The following RUNX2 variants were observed in gnomAD, a reference collection of about 807,000 sequenced individuals.
RUNX2 encodes the protein RUNX family transcription factor 2, also known as runt-related transcription factor 2.
RUNX2 carries 10 observed loss-of-function variants against 51.7 expected under a neutral mutation model. The observed-to-expected ratio is 0.19, with a 90% CI of 0.12 to 0.33. RUNX2 has a LOEUF of 0.33. RUNX2 is among the 10% of genes least tolerant of loss of function. RUNX2 has a pLI of 1.00. For synonymous variants in RUNX2, 276 were observed against 273.6 expected, an observed-to-expected ratio of 1.01 and a Z score of -0.09; for missense variants, 562 against 691.3, an observed-to-expected ratio of 0.81 and a Z score of 2.10.
At chr6:45,331,646 T>C (rs1787538813) in intron 2 of RUNX2, among the ~76,000 whole-genome samples, 2 of 152,006 alleles carry the variant, frequency 1.3e-5, no homozygotes, top group East Asian at 1.9e-4. Flanking sequence ...CTGTTAAAGA[T>C]TTTTAGTTTT....
chr6:45,477,127 C>A (rs986696889), intron 5 of RUNX2, among the ~76,000 whole-genome samples: 3 of 152,132 alleles, frequency 2.0e-5, no homozygotes, highest in East Asian at 1.9e-4. Context: ...GATTCAGAAC[C>A]GTTTCAGTGG....
At chr6:45,374,365 T>A (rs1293771909) in intron 2 of RUNX2, among the ~76,000 whole-genome samples, 1 of 152,178 alleles carries the variant, frequency 6.6e-6, no homozygotes, top group Admixed American at 6.6e-5. Flanking sequence ...AATTAACCTC[T>A]TATGAACCTA....
chr6:45,518,853 A>G (rs923211443), intron 7 of RUNX2, among the ~76,000 whole-genome samples: 2 of 152,224 alleles, frequency 1.3e-5, no homozygotes, highest in Non-Finnish European at 2.9e-5. Flanking sequence ...CACCCAAAGT[A>G]TTAATTTTCT....
intron 2 of RUNX2, among the ~76,000 whole-genome samples, chr6:45,357,383 A>T (rs1793425702): frequency 6.6e-6 from 1 of 151,764 alleles, no homozygotes; most frequent in African/African-American, 2.4e-5. Context: ...CAGGCTGGAG[A>T]ACAGTGGCAG....
intron 5 of RUNX2, among the ~76,000 whole-genome samples, chr6:45,454,461 A>G (rs1799264010): frequency 6.6e-6 from 1 of 152,214 alleles, no homozygotes. Flanking sequence ...GGTTATTACC[A>G]CTTTTGCTAA....
intron 2 of RUNX2, among the ~76,000 whole-genome samples, chr6:45,399,202 T>C (rs1279163524): frequency 3.3e-5 from 5 of 152,066 alleles, no homozygotes; most frequent in Non-Finnish European, 7.4e-5. Context: ...TAATGAATAG[T>C]GTCAAGATGG....
Position 45,512,314 on chromosome 6 carries a change from A to T in RUNX2, c.928A>T (p.Met310Leu), listed in dbSNP as rs1801181855. The T allele has an allele frequency of 6.2e-7, 1 of 1,614,112 alleles. No homozygotes were observed. Among genetic ancestry groups the T allele is most frequent in the Non-Finnish European group, 8.5e-7 (1 of 1,180,010 alleles). ...GTCTTACCCCTCCTACCTGAGCCAG[A>T]TGACGTCCCCGTCCATCCACTCTAC... ...DQSYPSYLSQ[M>L]TSPSIHSTTP... is the part of the protein sequence containing the mutation. Residue 310 changes from methionine (M) to leucine (L), a missense_variant, in exon 7 of 9, where the codon ATG becomes TTG. Physicochemically the swap from Met to Leu is conservative, Grantham distance 15. Around this residue, in one of 5 missense-constraint regions of RUNX2, gnomAD observed 304 missense variants for 353.2 expected, o/e 0.86. Transcript: ENST00000647337.
At chr6:45,349,090 G>A (rs886896248) in intron 2 of RUNX2, among the ~76,000 whole-genome samples, 2 of 152,134 alleles carry the variant, frequency 1.3e-5, no homozygotes, top group African/African-American at 2.4e-5. Context: ...GTGGGATCCT[G>A]ATTATAAATG....
intron 4 of RUNX2, among the ~76,000 whole-genome samples, chr6:45,436,214 C>A (rs184484944): frequency 1.3e-5 from 2 of 151,820 alleles, no homozygotes; most frequent in East Asian, 1.9e-4. Context: ...CTGATTGGGA[C>A]GCATCTAGAA....
At chr6:45,384,706 CT>C (rs56307239) in intron 2 of RUNX2, among the ~76,000 whole-genome samples, 14,905 of 61,244 alleles carry the variant, frequency 0.24, 1,358 homozygotes, top group Non-Finnish European at 0.3. Flanking sequence ...ATTAGGGTGT[CT>C]TTTTTTTTTT....
intron 7 of RUNX2, among the ~76,000 whole-genome samples, chr6:45,541,554 C>A (rs552706945): frequency 6.6e-6 from 1 of 152,212 alleles, no homozygotes; most frequent in African/African-American, 2.4e-5. Context: ...GAAGCAATAA[C>A]TCCTACCATT....
chr6:45,513,548 T>A (rs1431020564), intron 7 of RUNX2: 1 of 152,180 alleles, frequency 6.6e-6, no homozygotes, highest in Non-Finnish European at 1.5e-5. Flanking sequence ...CCTTTATTTC[T>A]TTCAACTTGG....
chr6:45,465,925 C>T (rs1040534434), intron 5 of RUNX2, among the ~76,000 whole-genome samples: 8 of 151,876 alleles, frequency 5.3e-5, no homozygotes, highest in Admixed American at 1.3e-4. Flanking sequence ...GGATTATAGG[C>T]GTGAGCGACT....
intron 4 of RUNX2, among the ~76,000 whole-genome samples, chr6:45,437,331 G>A (rs1001135213): frequency 3.9e-5 from 6 of 152,090 alleles, no homozygotes; most frequent in Non-Finnish European, 8.8e-5. Context: ...GTTAGGGGAG[G>A]GGTGGACAGG....
intron 5 of RUNX2, among the ~76,000 whole-genome samples, chr6:45,471,608 C>T (rs370464963): frequency 5.3e-5 from 8 of 152,104 alleles, no homozygotes; most frequent in African/African-American, 1.9e-4. Flanking sequence ...CCACGCCCAG[C>T]TAATTTTTTG....
intron 6 of RUNX2, among the ~76,000 whole-genome samples, chr6:45,496,766 A>C (rs947414728): frequency 1.3e-5 from 2 of 152,196 alleles, no homozygotes; most frequent in African/African-American, 4.8e-5. Context: ...ACCTGTTTGG[A>C]TGCTGTTTGA....
At chr6:45,519,019 T>C (rs147193223) in intron 7 of RUNX2, among the ~76,000 whole-genome samples, 1 of 152,314 alleles carries the variant, frequency 6.6e-6, no homozygotes, top group East Asian at 1.9e-4. Flanking sequence ...GGTCCTATGT[T>C]AATGAATTAC....
At chr6:45,502,589 G>A (rs1186786910) in intron 6 of RUNX2, among the ~76,000 whole-genome samples, 2 of 152,114 alleles carry the variant, frequency 1.3e-5, no homozygotes, top group Non-Finnish European at 2.9e-5. Context: ...CATCTCAGGA[G>A]CCTCGCCCCC....
intron 2 of RUNX2, chr6:45,422,173 CA>C: frequency 5.0e-6 from 1 of 201,758 alleles, no homozygotes; most frequent in Non-Finnish European, 9.9e-6. Context: ...ACCGCTTCAC[CA>C]CCGGACTCCA....
Sources: allele counts gnomAD v4.1 joint callset (sites outside exome capture counted in the v4.1 genomes callset), GRCh38; gene constraint gnomAD v4.1.1; regional missense constraint gnomAD v4.1.1; transcripts MANE v1.5; gene names NCBI Gene and HGNC (gene_info 2026-07-23, HGNC 2026-07-21).